Variants in CLASP1 observed in about 807,000 individuals in gnomAD.
The protein encoded by CLASP1 is cytoplasmic linker associated protein 1.
A neutral mutation model predicts 192.3 loss-of-function variants in CLASP1; 38 were observed. The ratio of observed to expected loss-of-function variants is 0.20; its 90% CI spans 0.15 to 0.26. CLASP1 has a LOEUF of 0.26. Ranked by LOEUF, CLASP1 falls within the 10% of genes least tolerant of loss-of-function variation. The pLI is 1.00. For missense variants in CLASP1, 1,433 were observed against 1,932.5 expected, an observed-to-expected ratio of 0.74 and a Z score of 4.85; for synonymous variants, 691 against 712.8, an observed-to-expected ratio of 0.97 and a Z score of 0.49.
At chr2:121,479,746 T>C (rs2092433592) in intron 8 of CLASP1, among the ~76,000 whole-genome samples, 1 of 152,176 alleles carries the variant, frequency 6.6e-6, no homozygotes, top group Admixed American at 6.5e-5. Context: ...ACCAGTGTTA[T>C]TAGGGCCGGT....
At chr2:121,535,142 G>T (rs2095021734) in intron 2 of CLASP1, among the ~76,000 whole-genome samples, 1 of 152,140 alleles carries the variant, frequency 6.6e-6, no homozygotes, top group African/African-American at 2.4e-5. Flanking sequence ...AGCTGGGCGT[G>T]GTGGCATGCA....
At chr2:121,582,338 AAAG>A (rs1388673164) in intron 2 of CLASP1, among the ~76,000 whole-genome samples, 1 of 149,776 alleles carries the variant, frequency 6.7e-6, no homozygotes, top group East Asian at 2.0e-4. Flanking sequence ...AGAGAGAGAG[AAAG>A]AGGAGGAGAG....
At chr2:121,399,465 T>TATACCCATTTCAGTAATGG (rs1483569007) in intron 28 of CLASP1, among the ~76,000 whole-genome samples, 2 of 152,112 alleles carry the variant, frequency 1.3e-5, no homozygotes, top group Admixed American at 6.6e-5. Context: ...GTAATGGGTG[T>TATACCCATTTCAGTAATGG]GTATAATCGG....
At chr2:121,414,260 G>A (rs1011675269) in intron 23 of CLASP1, among the ~76,000 whole-genome samples, 57 bp from the exon 24 acceptor site, 2 of 152,170 alleles carry the variant, frequency 1.3e-5, no homozygotes, top group African/African-American at 4.8e-5. Flanking sequence ...ACCAGAGACA[G>A]AAAATGCCAC....
At chr2:121,464,795 G>A (rs539279466) in intron 9 of CLASP1, among the ~76,000 whole-genome samples, 1 of 152,180 alleles carries the variant, frequency 6.6e-6, no homozygotes, top group African/African-American at 2.4e-5. Flanking sequence ...CATTTTGTAG[G>A]TTGCCTGTTC....
rs184931818 is a variant in CLASP1 at position 121,621,021 on chromosome 2, G to A, written c.-285-14841C>T. On this transcript the variant is annotated intron_variant, in intron 1 of 39. Transcript: ENST00000263710. The stretch of plus-strand genomic sequence containing the variant: ...AGACGGGCAGACTGCTTGAGCTCAC[G>A]AGTTTGAGACCAGCCTGGGCAATGT... Among the ~76,000 whole-genome samples the A allele has an allele frequency of 1.7e-3, 254 of 152,132 alleles. 1 individual carries two copies. The highest frequency in any genetic ancestry group is 2.2e-3 in the Admixed American group (33 of 15,264).
chr2:121,399,077 A>C (rs193234279), intron 28 of CLASP1, among the ~76,000 whole-genome samples: 43 of 151,280 alleles, frequency 2.8e-4, no homozygotes, highest in African/African-American at 8.7e-4. Context: ...TTAACAGGAA[A>C]GATAAATGCA....
chr2:121,566,603 A>C (rs1210076466), intron 2 of CLASP1, among the ~76,000 whole-genome samples: 2 of 152,200 alleles, frequency 1.3e-5, no homozygotes, highest in African/African-American at 2.4e-5. Context: ...ACAAACTATA[A>C]TCATTTTATT....
intron 2 of CLASP1, among the ~76,000 whole-genome samples, chr2:121,582,497 G>A (rs574749294): frequency 7.0e-6 from 1 of 143,668 alleles, no homozygotes; most frequent in East Asian, 2.1e-4. Context: ...AAAGAAGGGA[G>A]GGAGAAAGAA....
intron 8 of CLASP1, among the ~76,000 whole-genome samples, chr2:121,484,462 C>T (rs1437935271): frequency 6.6e-6 from 1 of 152,236 alleles, no homozygotes; most frequent in African/African-American, 2.4e-5. Context: ...CCCCTTTGTC[C>T]TGCATGCCAA....
At chr2:121,467,596 A>G (rs1430273536) in intron 9 of CLASP1, among the ~76,000 whole-genome samples, 2 of 152,088 alleles carry the variant, frequency 1.3e-5, no homozygotes, top group East Asian at 3.9e-4. Context: ...CTGCATGTTC[A>G]TCCTCTTTTC....
At chr2:121,392,041 T>G (rs2074445867) in intron 30 of CLASP1, among the ~76,000 whole-genome samples, 1 of 152,188 alleles carries the variant, frequency 6.6e-6, no homozygotes, top group African/African-American at 2.4e-5. Flanking sequence ...CAACTAGATA[T>G]CTCATCTTTT....
intron 8 of CLASP1, among the ~76,000 whole-genome samples, chr2:121,478,742 CCACACACACCA>C (rs1291728308): frequency 0.023 from 1,019 of 45,094 alleles, 11 homozygotes; most frequent in Non-Finnish European, 0.034. Flanking sequence ...CACACACACC[CCACACACACCA>C]CACACACACC....
chr2:121,528,772 T>C (rs1204538916), exon 4 of CLASP1: 2 of 1,613,454 alleles, frequency 1.2e-6, no homozygotes, highest in South Asian at 1.1e-5. Context: ...TCTATTAGAC[T>C]TGGCAGCACT....
intron 25 of CLASP1, among the ~76,000 whole-genome samples, chr2:121,405,428 A>G (rs2076762548): frequency 6.6e-6 from 1 of 152,202 alleles, no homozygotes; most frequent in Admixed American, 6.5e-5. Flanking sequence ...AAGATAAAAC[A>G]TTGTACCTTC....
At chr2:121,532,864 T>C (rs1460508482) in intron 2 of CLASP1, among the ~76,000 whole-genome samples, 2 of 152,334 alleles carry the variant, frequency 1.3e-5, no homozygotes, top group Admixed American at 6.5e-5. Context: ...ATTTGTAATT[T>C]TTCTGTAAAA....
intron 2 of CLASP1, among the ~76,000 whole-genome samples, chr2:121,590,030 A>G (rs1355597670): frequency 6.6e-6 from 1 of 152,148 alleles, no homozygotes; most frequent in Non-Finnish European, 1.5e-5. Flanking sequence ...ATCAACAAAA[A>G]TAAAACTATT....
At chr2:121,452,028 G>C (rs2085590226) in intron 14 of CLASP1, among the ~76,000 whole-genome samples, 179 bp from the exon 15 acceptor site, 2 of 152,254 alleles carry the variant, frequency 1.3e-5, no homozygotes, top group South Asian at 4.2e-4. Context: ...CAAAGCAAAT[G>C]AAAGTAATTA....
intron 30 of CLASP1, among the ~76,000 whole-genome samples, chr2:121,396,589 A>G (rs1030545339): frequency 1.3e-5 from 2 of 152,220 alleles, no homozygotes; most frequent in African/African-American, 2.4e-5. Flanking sequence ...GTTTGTCCCA[A>G]ACAGGTCCTA....
Sources: allele counts gnomAD v4.1 joint callset (sites outside exome capture counted in the v4.1 genomes callset), GRCh38; gene constraint gnomAD v4.1.1; transcripts MANE v1.5; gene names NCBI Gene and HGNC (gene_info 2026-07-23, HGNC 2026-07-21).